Variants in MB21D2 observed in about 807,000 individuals in gnomAD.
The protein encoded by MB21D2 is nucleotidyltransferase MB21D2.
In MB21D2, 9 loss-of-function variants were observed where a neutral mutation model predicts 33.3. The observed-to-expected ratio is 0.27, with a 90% CI of 0.16 to 0.47. The LOEUF (loss-of-function observed/expected upper bound fraction) is 0.47, where lower values mean the gene tolerates loss of function less well. MB21D2 is among the 20% of genes least tolerant of loss of function. The pLI, the probability that MB21D2 is intolerant of heterozygous loss-of-function variation, is 0.99. For synonymous variants in MB21D2, 241 were observed against 236.3 expected, an observed-to-expected ratio of 1.02 and a Z score of -0.18; for missense variants, 540 against 624.6, an observed-to-expected ratio of 0.86 and a Z score of 1.44.
chr3:192,911,240 GTTT>G (rs76218803), intron 1 of MB21D2, among the ~76,000 whole-genome samples: 1 of 146,080 alleles, frequency 6.8e-6, no homozygotes. Context: ...GTTCACCACA[GTTT>G]TTTTTTTTTA....
chr3:192,906,875 C>A (rs1714226175), intron 1 of MB21D2, among the ~76,000 whole-genome samples: 1 of 152,238 alleles, frequency 6.6e-6, no homozygotes, highest in Non-Finnish European at 1.5e-5. Flanking sequence ...CACCATTCTA[C>A]ACACACTGTA....
Position 192,832,467 on chromosome 3 carries a change from A to G in MB21D2, c.212-32817T>C, listed in dbSNP as rs1390297655. On this transcript the variant is annotated intron_variant, in intron 1 of 1. Coordinates refer to ENST00000392452, the MANE Select transcript of MB21D2 (RefSeq NM_178496.4). ...CAAATTACACTATTCAATGTTTATA[A>G]TATTTAAAAATCTGCATAATAAGGA... is the stretch of plus-strand genomic sequence containing the variant. 2.6e-5 allele frequency among the ~76,000 whole-genome samples: 4 copies of G among 152,220 alleles called. No individual in the cohort carries two copies. In the South Asian group the frequency reaches 6.2e-4, roughly 24 times the overall value.
At chr3:192,815,980 A>T (rs1271774704) in intron 1 of MB21D2, among the ~76,000 whole-genome samples, 2 of 152,166 alleles carry the variant, frequency 1.3e-5, no homozygotes, top group African/African-American at 4.8e-5. Flanking sequence ...TGTGGAGCTG[A>T]CTTGGCAGCC....
At chr3:192,810,653 T>G (rs143864216) in intron 1 of MB21D2, among the ~76,000 whole-genome samples, 1 of 152,226 alleles carries the variant, frequency 6.6e-6, no homozygotes, top group Non-Finnish European at 1.5e-5. Context: ...TCAACAATTA[T>G]GTTTGCCATT....
intron 1 of MB21D2, among the ~76,000 whole-genome samples, chr3:192,815,871 T>C (rs1711910689): frequency 6.6e-6 from 1 of 152,154 alleles, no homozygotes; most frequent in Non-Finnish European, 1.5e-5. Flanking sequence ...ATCTCAAGCA[T>C]AGATAAAGTG....
chr3:192,885,965 T>C (rs983449912), intron 1 of MB21D2, among the ~76,000 whole-genome samples: 4 of 151,734 alleles, frequency 2.6e-5, no homozygotes, highest in African/African-American at 9.7e-5. Flanking sequence ...ATTTTTATAA[T>C]TTTTTTTTCT....
At chr3:192,871,067 G>C (rs562591199) in intron 1 of MB21D2, among the ~76,000 whole-genome samples, 50 of 152,202 alleles carry the variant, frequency 3.3e-4, no homozygotes, top group Non-Finnish European at 6.0e-4. Flanking sequence ...GTTATTAAAA[G>C]GCCATCAATG....
At chr3:192,851,400 G>A (rs1265872796) in intron 1 of MB21D2, among the ~76,000 whole-genome samples, 2 of 151,884 alleles carry the variant, frequency 1.3e-5, no homozygotes, top group African/African-American at 4.8e-5. Flanking sequence ...TTTCTTCTGG[G>A]GGCAATAAAA....
At chr3:192,897,977 A>T (rs550060142) in intron 1 of MB21D2, among the ~76,000 whole-genome samples, 85 of 152,222 alleles carry the variant, frequency 5.6e-4, no homozygotes, top group Admixed American at 1.1e-3. Flanking sequence ...AAAAAATTTT[A>T]AAAATAAAGG....
chr3:192,838,442 T>C (rs1448523303), intron 1 of MB21D2, among the ~76,000 whole-genome samples: 1 of 151,210 alleles, frequency 6.6e-6, no homozygotes, highest in Non-Finnish European at 1.5e-5. Context: ...TTTTTTTTTT[T>C]TTTTGAGATG....
chr3:192,822,766 A>G (rs1322568405), intron 1 of MB21D2, among the ~76,000 whole-genome samples: 1 of 152,212 alleles, frequency 6.6e-6, no homozygotes, highest in Admixed American at 6.5e-5. Flanking sequence ...CCTTGTATGG[A>G]TGAGAACACT....
chr3:192,865,421 T>C (rs1042334677), intron 1 of MB21D2, among the ~76,000 whole-genome samples: 3 of 152,198 alleles, frequency 2.0e-5, no homozygotes, highest in African/African-American at 7.2e-5. Flanking sequence ...TGGGATTGTA[T>C]ATTGGAGAAA....
intron 1 of MB21D2, among the ~76,000 whole-genome samples, chr3:192,825,109 C>G (rs1268586399): frequency 1.3e-5 from 2 of 152,190 alleles, no homozygotes; most frequent in African/African-American, 4.8e-5. Flanking sequence ...AAAGCCAGCT[C>G]TCGAGAATCG....
chr3:192,913,003 T>C (rs191649945), intron 1 of MB21D2, among the ~76,000 whole-genome samples: 4 of 152,372 alleles, frequency 2.6e-5, no homozygotes, highest in Admixed American at 6.5e-5. Context: ...GCAAAGTAGC[T>C]AGCACAATGG....
intron 1 of MB21D2, among the ~76,000 whole-genome samples, chr3:192,873,049 C>G (rs1256835719): frequency 6.6e-6 from 1 of 152,052 alleles, no homozygotes; most frequent in African/African-American, 2.4e-5. Flanking sequence ...TGCTGTGTCC[C>G]CTGCCTATAC....
At chr3:192,870,351 A>G (rs1220434980) in intron 1 of MB21D2, among the ~76,000 whole-genome samples, 1 of 152,184 alleles carries the variant, frequency 6.6e-6, no homozygotes. Flanking sequence ...GAGTGAGCAC[A>G]TTGGATCTGA....
intron 1 of MB21D2, among the ~76,000 whole-genome samples, chr3:192,886,008 T>C (rs182500941): frequency 5.9e-5 from 9 of 152,274 alleles, no homozygotes; most frequent in Admixed American, 4.6e-4. Context: ...TCGCCCAGGC[T>C]GCAGTACAGT....
At chr3:192,877,735 G>A (rs973683934) in intron 1 of MB21D2, among the ~76,000 whole-genome samples, 2 of 152,216 alleles carry the variant, frequency 1.3e-5, no homozygotes, top group African/African-American at 4.8e-5. Flanking sequence ...TTATGAATAA[G>A]TAATAGCTTA....
chr3:192,887,182 T>C (rs1433647564), intron 1 of MB21D2, among the ~76,000 whole-genome samples: 1 of 152,112 alleles, frequency 6.6e-6, no homozygotes, highest in Non-Finnish European at 1.5e-5. Context: ...AGTCTCGTTC[T>C]GTTTCCCAGG....
Sources: allele counts gnomAD v4.1 joint callset (sites outside exome capture counted in the v4.1 genomes callset), GRCh38; gene constraint gnomAD v4.1.1; transcripts MANE v1.5; gene names NCBI Gene and HGNC (gene_info 2026-07-23, HGNC 2026-07-21).